ENTHD1: variants seen among roughly 807,000 people sequenced by gnomAD.
ENTHD1 encodes ENTH domain-containing protein 1.
Under a neutral mutation model 39.1 loss-of-function variants are expected in ENTHD1, and 23 were observed. The observed-to-expected ratio is 0.59, with a 90% CI of 0.42 to 0.83. The LOEUF (loss-of-function observed/expected upper bound fraction) is 0.83, where lower values mean the gene tolerates loss of function less well. Among genes scored for constraint, ENTHD1 ranks in the 40% least tolerant of loss-of-function variants. The pLI is 0.00. For missense variants in ENTHD1, 624 were observed against 705.4 expected (o/e 0.88, Z 1.31); for synonymous variants, 230 against 258.2 (o/e 0.89, Z 1.05).
intron 5 of ENTHD1, among the ~76,000 whole-genome samples, chr22:39,775,322 G>T (rs1281224363): frequency 6.6e-6 from 1 of 152,172 alleles, no homozygotes; most frequent in African/African-American, 2.4e-5. Flanking sequence ...AACTAGCAGA[G>T]TATACCTGTA....
chr22:39,852,668 T>C (rs1328422070), intron 3 of ENTHD1, among the ~76,000 whole-genome samples: 1 of 152,168 alleles, frequency 6.6e-6, no homozygotes, highest in African/African-American at 2.4e-5. Flanking sequence ...CTGAATGTGG[T>C]AGGCAATTGT....
At chr22:39,782,615 G>A (rs1425712306) in intron 5 of ENTHD1, among the ~76,000 whole-genome samples, 1 of 152,132 alleles carries the variant, frequency 6.6e-6, no homozygotes. Context: ...CATTCACCAT[G>A]ATAAGTGAGG....
intron 2 of ENTHD1, among the ~76,000 whole-genome samples, chr22:39,880,473 G>A (rs1001291546): frequency 3.3e-5 from 5 of 152,088 alleles, no homozygotes; most frequent in Admixed American, 6.5e-5. Flanking sequence ...GTAAGCTATG[G>A]ACTTTGGGTA....
At chr22:39,802,901 C>T (rs1360455057) in intron 5 of ENTHD1, among the ~76,000 whole-genome samples, 1 of 152,206 alleles carries the variant, frequency 6.6e-6, no homozygotes, top group Non-Finnish European at 1.5e-5. Flanking sequence ...ACTCCAAAGT[C>T]TATCTCAAAT....
At chr22:39,768,741 A>G (rs2065298241) in intron 5 of ENTHD1, among the ~76,000 whole-genome samples, 2 of 152,098 alleles carry the variant, frequency 1.3e-5, no homozygotes, top group South Asian at 4.1e-4. Flanking sequence ...AAATTATTTA[A>G]TATCAACTTT....
chr22:39,833,790 C>A (rs758532447), intron 4 of ENTHD1, among the ~76,000 whole-genome samples: 29 of 151,830 alleles, frequency 1.9e-4, no homozygotes, highest in Non-Finnish European at 1.0e-4. Flanking sequence ...ATCGAGATAA[C>A]TTTCACAGGA....
intron 3 of ENTHD1, among the ~76,000 whole-genome samples, chr22:39,848,757 A>G (rs1269831264): frequency 6.6e-6 from 1 of 152,168 alleles, no homozygotes; most frequent in Non-Finnish European, 1.5e-5. Flanking sequence ...CAAATTCATA[A>G]ACACTTTTAA....
At chr22:39,891,215 G>C (rs1017124963) in intron 1 of ENTHD1, among the ~76,000 whole-genome samples, 3 of 152,188 alleles carry the variant, frequency 2.0e-5, no homozygotes, top group Non-Finnish European at 4.4e-5. Flanking sequence ...CCAGAACCTG[G>C]TTAATTTCCT....
intron 1 of ENTHD1, among the ~76,000 whole-genome samples, chr22:39,891,556 C>A (rs1452819218): frequency 6.6e-6 from 1 of 151,686 alleles, no homozygotes; most frequent in South Asian, 2.1e-4. Flanking sequence ...ATCCCCCTGC[C>A]TCAGCCTCCC....
intron 3 of ENTHD1, among the ~76,000 whole-genome samples, chr22:39,847,168 C>A (rs1319643934): frequency 6.6e-6 from 1 of 151,966 alleles, no homozygotes; most frequent in African/African-American, 2.4e-5. Flanking sequence ...GGCACATATA[C>A]ACCATGGAAT....
intron 4 of ENTHD1, among the ~76,000 whole-genome samples, chr22:39,824,162 T>C (rs1359329359): frequency 1.3e-5 from 2 of 150,604 alleles, no homozygotes. Context: ...GTTTAATGTA[T>C]CATATTTTTC....
chr22:39,804,193 A>G (rs549854309), intron 5 of ENTHD1, among the ~76,000 whole-genome samples: 1 of 151,950 alleles, frequency 6.6e-6, no homozygotes, highest in African/African-American at 2.4e-5. Context: ...GAAAAACAAA[A>G]CAAAAGAAAA....
chr22:39,852,750 A>G (rs750485286), intron 3 of ENTHD1, among the ~76,000 whole-genome samples: 1 of 152,248 alleles, frequency 6.6e-6, no homozygotes, highest in African/African-American at 2.4e-5. Flanking sequence ...GAAAAGGTAC[A>G]GTAAAAATAT....
intron 3 of ENTHD1, among the ~76,000 whole-genome samples, chr22:39,861,541 A>G (rs1382283277): frequency 6.6e-6 from 1 of 152,080 alleles, no homozygotes; most frequent in East Asian, 1.9e-4. Context: ...TTCCGTCTCA[A>G]AAATAAATAA....
At chr22:39,837,159 A>C (rs1431798422) in intron 3 of ENTHD1, among the ~76,000 whole-genome samples, 1 of 152,210 alleles carries the variant, frequency 6.6e-6, no homozygotes, top group Non-Finnish European at 1.5e-5. Flanking sequence ...ATTAGTACCA[A>C]CTCTATCTCA....
chr22:39,782,476 C>A (rs2065418356), intron 5 of ENTHD1, among the ~76,000 whole-genome samples: 1 of 151,368 alleles, frequency 6.6e-6, no homozygotes, highest in Admixed American at 6.6e-5. Flanking sequence ...GCCAGCAGTA[C>A]CCTGATACCA....
chr22:39,872,252 C>T (rs1223137693), intron 2 of ENTHD1, among the ~76,000 whole-genome samples: 1 of 152,090 alleles, frequency 6.6e-6, no homozygotes, highest in Non-Finnish European at 1.5e-5. Flanking sequence ...GGCTTTATAG[C>T]CTTGACATGG....
rs2146768075 is a variant in ENTHD1, at chr22:39,882,575, C to T, written c.349+4825G>A. Among the ~76,000 whole-genome samples, 3 of 152,290 alleles carry T rather than the reference C, an allele frequency of 2.0e-5. No homozygotes were observed. The South Asian group carries it at 6.2e-4, about 32-fold the overall frequency. ...CTTTATCCTGAGAGCCAGTGGTTTG[C>T]AAACTATTTTGACTGTACACCTCAG... On this transcript the variant is annotated intron_variant, in intron 2 of 6. Coordinates refer to ENST00000325157, the MANE Select transcript of ENTHD1 (RefSeq NM_152512.4).
chr22:39,792,366 T>C (rs1167891177), intron 5 of ENTHD1, among the ~76,000 whole-genome samples: 1 of 152,188 alleles, frequency 6.6e-6, no homozygotes, highest in Non-Finnish European at 1.5e-5. Flanking sequence ...TCTGAGACTT[T>C]AGACTCCTGT....
Sources: allele counts gnomAD v4.1 joint callset (sites outside exome capture counted in the v4.1 genomes callset), GRCh38; gene constraint gnomAD v4.1.1; transcripts MANE v1.5; gene names NCBI Gene and HGNC (gene_info 2026-07-23, HGNC 2026-07-21).